The following ZNF544 variants were observed in gnomAD, a reference collection of about 807,000 sequenced individuals.
The protein encoded by ZNF544 is zinc finger protein AF020591.
A neutral mutation model predicts 13.5 loss-of-function variants in ZNF544; 10 were observed. The observed-to-expected ratio is 0.74, with a 90% CI of 0.46 to 1.25. ZNF544 has a LOEUF of 1.25. Among genes scored for constraint, ZNF544 ranks in the 50% most tolerant of loss-of-function variants. The pLI, the probability that ZNF544 is intolerant of heterozygous loss-of-function variation, is 0.00. For synonymous variants in ZNF544, 323 were observed against 300.5 expected, an observed-to-expected ratio of 1.07 and a Z score of -0.77; for missense variants, 896 against 845.6, an observed-to-expected ratio of 1.06 and a Z score of -0.74.
At chr19:58,247,819 A>G (rs931274521) in intron 6 of ZNF544, among the ~76,000 whole-genome samples, 5 of 152,212 alleles carry the variant, frequency 3.3e-5, no homozygotes, top group African/African-American at 1.2e-4. Context: ...GTTCCCACCC[A>G]TGTCTGCTGT....
chr19:58,270,128 A>G (rs2050447443), intron 5 of ZNF544, among the ~76,000 whole-genome samples: 1 of 152,202 alleles, frequency 6.6e-6, no homozygotes, highest in East Asian at 1.9e-4. Flanking sequence ...TATAGTTCCT[A>G]TGTGAAGGTA....
chr19:58,254,183 C>G (rs2046799908), intron 6 of ZNF544, among the ~76,000 whole-genome samples: 1 of 151,852 alleles, frequency 6.6e-6, no homozygotes, highest in Admixed American at 6.6e-5. Context: ...GATATCACGA[C>G]ACTGCACTCC....
At position 58,262,772 on chromosome 19, in the gene ZNF544, G is replaced by T. The variant is rs747545023; in HGVS notation, c.*18G>T. On this transcript the variant is annotated 3_prime_UTR_variant, in exon 7 of 7. Transcript: ENST00000687789. ...AACCTTAGGAGTGCAGTCATTGTGG[G>T]AAAGCTTTCATCCAGAGGTCTCCCC... The T allele has an allele frequency of 3.2e-6, 5 of 1,571,488 alleles. No individual in the cohort carries two copies. Among genetic ancestry groups the T allele is most frequent in the Non-Finnish European group, 4.3e-6 (5 of 1,157,626 alleles).
chr19:58,260,642 T>C, intron 6 of ZNF544: 1 of 521,986 alleles, frequency 1.9e-6, no homozygotes, highest in Non-Finnish European at 3.4e-6. Context: ...TAGTCACTTC[T>C]TTATTATGTT....
intron 4 of ZNF544, 114 bp from the exon 5 acceptor site, chr19:58,246,187 A>G (rs1360248321): frequency 2.1e-6 from 3 of 1,398,950 alleles, no homozygotes; most frequent in Non-Finnish European, 3.0e-6. Context: ...ACTGGGTATT[A>G]GGTTCCAATG....
Position 58,262,885 on chromosome 19 carries a change from G to C in ZNF544, c.*131G>C. ...AGCGGTTGTGACTCATTGAACATCA[G>C]AGGACATATCCTGGAGAAAAGCCCT... On this transcript the variant is annotated 3_prime_UTR_variant, in exon 7 of 7. Transcript: ENST00000687789. 6.7e-7 allele frequency: 1 copy of C among 1,489,962 alleles called. No homozygotes were observed. The highest frequency in any genetic ancestry group is 8.9e-7 in the Non-Finnish European group (1 of 1,126,212). The allele number at this position is 1,489,962 out of a possible 1,614,324, so 92.3% of individuals were successfully genotyped here.
In ZNF544 at chr19:58,261,565, GC is replaced by G. The variant is rs1568499598; in HGVS notation, c.962del (p.Pro321LeufsTer159). 6.2e-7 allele frequency: 1 copy of G among 1,614,158 alleles called. No individual in the cohort carries two copies. Among genetic ancestry groups the G allele is most frequent in the East Asian group, 2.2e-5 (1 of 44,884 alleles). On this transcript the variant is annotated frameshift_variant, in exon 7 of 7. Coordinates refer to ENST00000687789, the MANE Select transcript of ZNF544 (RefSeq NM_014480.4). LOFTEE classifies it low-confidence loss of function (END_TRUNC). Reference protein sequence around the residue: ...SLCLVQTERSGPGETPFRCEE... With the variant: ...SLCLVQTERSXPGETPFRCEE... ...TGCCTTGTACAAACAGAAAGAAGTG[GC>G]CCTGGAGAGACCCCCTTCAGATGTG...
intron 5 of ZNF544, chr19:58,276,264 C>A: frequency 2.2e-6 from 2 of 890,098 alleles, no homozygotes; most frequent in Non-Finnish European, 3.0e-6. Flanking sequence ...CTCTCCAACA[C>A]TGGTGGCCAC....
At position 58,244,051 on chromosome 19, in the gene ZNF544, C is replaced by T. The variant is rs769258067; in HGVS notation, c.28C>T (p.Pro10Ser). Residue 10 changes from proline (P) to serine (S), a missense_variant, in exon 4 of 7, where the codon CCC becomes TCC. By Grantham distance (74) the Pro-to-Ser change is moderately conservative. Transcript: ENST00000687789. MEARSMLVP[P>S]QASVCFEDVA... Reference sequence around the variant, plus strand: ...GGAAGCACGTTCTATGCTGGTTCCACCCCAGGTGAGTGGGGGGTCTTTGCT... The same window carrying T: ...GGAAGCACGTTCTATGCTGGTTCCATCCCAGGTGAGTGGGGGGTCTTTGCT... 5.0e-6 allele frequency: 8 copies of T among 1,607,228 alleles called. No individual in the cohort carries two copies. The highest frequency in any genetic ancestry group is 5.9e-6 in the Non-Finnish European group (7 of 1,176,600).
intron 6 of ZNF544, among the ~76,000 whole-genome samples, chr19:58,253,937 T>A (rs2046741425): frequency 6.6e-6 from 1 of 152,226 alleles, no homozygotes; most frequent in Non-Finnish European, 1.5e-5. Context: ...AGCCAACTTC[T>A]TTAGTAAAGA....
At chr19:58,275,783 CAAAAAAA>C (rs57148438) in intron 5 of ZNF544, among the ~76,000 whole-genome samples, 1 of 66,224 alleles carries the variant, frequency 1.5e-5, no homozygotes, top group Non-Finnish European at 2.8e-5. Context: ...GACCCTGTCT[CAAAAAAA>C]AAAAAAAAAA....
intron 3 of ZNF544, among the ~76,000 whole-genome samples, chr19:58,241,187 T>TAATATATA (rs1425417671): frequency 2.0e-5 from 1 of 50,674 alleles, no homozygotes; most frequent in Non-Finnish European, 4.4e-5. Flanking sequence ...ATATTTTTTT[T>TAATATATA]TTTTTGTAGA....
Position 58,269,826 on chromosome 19 carries a change from C to T in ZNF544, c.245-6497C>T, listed in dbSNP as rs527496218. On this transcript the variant is annotated intron_variant, in intron 5 of 6. Coordinates refer to the ZNF544 transcript ENST00000595981. ...ATCCCAGCTACTCAGGAGGCTGACG[C>T]AGGAGTATCACTTGAACCTGGGAGG... is the stretch of plus-strand genomic sequence containing the variant. 6.6e-5 allele frequency among the ~76,000 whole-genome samples: 10 copies of T among 151,940 alleles called. No individual in the cohort carries two copies. In the East Asian group the frequency reaches 9.7e-4, roughly 15 times the overall value.
At chr19:58,252,089 CT>C (rs369098713) in intron 6 of ZNF544, among the ~76,000 whole-genome samples, 3 of 152,144 alleles carry the variant, frequency 2.0e-5, no homozygotes, top group Admixed American at 2.0e-4. Flanking sequence ...CTGGCAGAAA[CT>C]TTTATCCTTT....
At chr19:58,276,265 T>G in intron 5 of ZNF544, 1 of 898,736 alleles carries the variant, frequency 1.1e-6, no homozygotes, top group Non-Finnish European at 1.5e-6. Flanking sequence ...TCTCCAACAC[T>G]GGTGGCCACT....
Position 58,246,757 on chromosome 19 carries a change from A to C in ZNF544, c.207A>C (p.Glu69Asp), listed in dbSNP as rs2147104623. 6.2e-7 allele frequency: 1 copy of C among 1,614,120 alleles called. No individual in the cohort carries two copies. The highest frequency in any genetic ancestry group is 1.7e-5 in the Admixed American group (1 of 60,022). Residue 69 changes from glutamate (E) to aspartate (D), a missense_variant, in exon 6 of 7, where the codon GAA (glutamate) becomes GAC (aspartate). Transcript: ENST00000687789. ...ATGTGATCTCTCAGCTGGAGCAAGA[A>C]GAGGACCTGTGCAGGGCAGAGCAGG... is the stretch of plus-strand genomic sequence containing the variant. ...KSDVISQLEQ[E>D]EDLCRAEQEA...
At chr19:58,256,606 G>C (rs991075781) in intron 6 of ZNF544, among the ~76,000 whole-genome samples, 1 of 152,172 alleles carries the variant, frequency 6.6e-6, no homozygotes, top group African/African-American at 2.4e-5. Context: ...ATTATAATTA[G>C]ATATATAGGG....
chr19:58,232,946 C>CAAAAA (rs71190012), intron 3 of ZNF544, among the ~76,000 whole-genome samples: 4 of 46,064 alleles, frequency 8.7e-5, no homozygotes, highest in African/African-American at 1.5e-4. Flanking sequence ...GACTCCATCT[C>CAAAAA]AAAAAAAAAA....
At chr19:58,271,888 G>A (rs777213236) in intron 5 of ZNF544, among the ~76,000 whole-genome samples, 11 of 152,028 alleles carry the variant, frequency 7.2e-5, no homozygotes, top group East Asian at 1.9e-4. Flanking sequence ...CAGGCTGGGC[G>A]CAGTGGCTCA....
Sources: allele counts gnomAD v4.1 joint callset (sites outside exome capture counted in the v4.1 genomes callset), GRCh38; gene constraint gnomAD v4.1.1; transcripts MANE v1.5; gene names NCBI Gene and HGNC (gene_info 2026-07-23, HGNC 2026-07-21).